TDRD9: variants seen among roughly 807,000 people sequenced by gnomAD.
The protein encoded by TDRD9 is tudor domain containing 9, also known as ATP-dependent RNA helicase TDRD9.
TDRD9 carries 124 observed loss-of-function variants against 172.6 expected under a neutral mutation model. That is an observed-to-expected ratio of 0.72 (90% CI 0.62 to 0.83). The LOEUF (loss-of-function observed/expected upper bound fraction) is 0.83, where lower values mean the gene tolerates loss of function less well. Ranked by LOEUF, TDRD9 falls within the 40% of genes least tolerant of loss-of-function variation. The pLI is 0.00. For missense variants in TDRD9, 1,479 were observed against 1,714.1 expected, an observed-to-expected ratio of 0.86 and a Z score of 2.42; for synonymous variants, 619 against 617.1, an observed-to-expected ratio of 1.00 and a Z score of -0.05.
intron 3 of TDRD9, 52 bp downstream of exon 3, chr14:103,963,228 G>A: frequency 7.7e-7 from 1 of 1,291,152 alleles, no homozygotes; most frequent in Non-Finnish European, 1.1e-6. Flanking sequence ...CATGTCTGAG[G>A]CCCAATACTT....
intron 1 of TDRD9, chr14:103,940,839 T>C (rs1427406056): frequency 6.5e-7 from 1 of 1,535,160 alleles, no homozygotes; most frequent in Non-Finnish European, 8.7e-7. Context: ...GTAGGTTCCA[T>C]ATTCTGTGTG....
chr14:103,936,723 G>A (rs1391483606), intron 1 of TDRD9, among the ~76,000 whole-genome samples: 3 of 152,196 alleles, frequency 2.0e-5, no homozygotes, highest in Non-Finnish European at 4.4e-5. Context: ...TTGGTCTCCT[G>A]ACTTTTCAAC....
chr14:103,935,613 C>T (rs9324068), intron 1 of TDRD9, among the ~76,000 whole-genome samples: 53,992 of 151,928 alleles, frequency 0.36, 9,753 homozygotes, highest in Middle Eastern at 0.38. Context: ...AGTTTAACTT[C>T]GAGAATGATG....
intron 13 of TDRD9, among the ~76,000 whole-genome samples, chr14:103,999,530 T>C (rs1387267143): frequency 6.6e-6 from 1 of 152,154 alleles, no homozygotes; most frequent in Non-Finnish European, 1.5e-5. Context: ...AGTGGAGGTA[T>C]ATTCATGACA....
chr14:104,014,713 T>C lies in TDRD9; in HGVS notation c.2107-12T>C, dbSNP rs183555695. 41 of 1,484,028 alleles carry C rather than the reference T, an allele frequency of 2.8e-5. No individual in the cohort carries two copies. The Admixed American group carries it at 4.5e-4, about 16-fold the overall frequency. The allele number at this position is 1,484,028 out of a possible 1,614,324, so 91.9% of individuals were successfully genotyped here. A position where few individuals can be genotyped will look rare whatever the true frequency, so the allele number is the denominator to read the frequency against. On this transcript the variant is annotated splice_polypyrimidine_tract_variant and intron_variant, in intron 20 of 35. Transcript: ENST00000409874. ...ACCTTTGAGACATCAGATTTCAATG[T>C]ATTTTTCTTAGGTGGCTGAATTATA...
intron 7 of TDRD9, among the ~76,000 whole-genome samples, chr14:103,984,911 C>A (rs546616713): frequency 6.6e-6 from 1 of 152,208 alleles, no homozygotes; most frequent in Non-Finnish European, 1.5e-5. Context: ...CCAGCTCTTG[C>A]ATCAGTGTGA....
rs1487600359 is a variant in TDRD9 at position 104,034,183 on chromosome 14, C to CTTTTTTTTTTTTTTTTTTT, written c.3619+123_3619+124insTTTTTTTTTTTTTTTTTTT. On this transcript the variant is annotated intron_variant, in intron 31 of 35. Coordinates refer to ENST00000409874, the MANE Select transcript of TDRD9 (RefSeq NM_153046.3). ...GAACAAGTCTACACTATGTACTATT[C>CTTTTTTTTTTTTTTTTTTT]TTTTTTTTTCTTTTTTTTTTTTTTT... The CTTTTTTTTTTTTTTTTTTT allele has an allele frequency of 2.8e-5, 6 of 211,640 alleles. 3 individuals carry two copies. The highest frequency in any genetic ancestry group is 3.3e-5 in the Non-Finnish European group (4 of 120,204). The allele number at this position is 211,640 out of a possible 1,614,324, so 13.1% of individuals were successfully genotyped here.
At chr14:103,948,144 G>T (rs1307589692) in intron 1 of TDRD9, among the ~76,000 whole-genome samples, 1 of 152,158 alleles carries the variant, frequency 6.6e-6, no homozygotes, top group African/African-American at 2.4e-5. Flanking sequence ...CTTCCAAGTA[G>T]TTGGGACTAT....
At chr14:103,944,767 T>C (rs2031469413) in intron 1 of TDRD9, among the ~76,000 whole-genome samples, 2 of 152,088 alleles carry the variant, frequency 1.3e-5, no homozygotes, top group Non-Finnish European at 2.9e-5. Flanking sequence ...GGTTTTGCCA[T>C]GTTGGCCAGC....
At position 103,965,473 on chromosome 14, in the gene TDRD9, C is replaced by G; in HGVS notation, c.561C>G (p.Pro187=). Residue 187 remains proline (P), a synonymous_variant, in exon 4 of 36, where the codon CCC becomes CCG. Coordinates refer to ENST00000409874, the MANE Select transcript of TDRD9 (RefSeq NM_153046.3). ...ACTGCAGCATTGTGGTCACCCAGCCCCGGAAGATAGGGGCAAGCAGCATCG... is the reference window on the plus strand; with the variant it reads ...ACTGCAGCATTGTGGTCACCCAGCCGCGGAAGATAGGGGCAAGCAGCATCG... ...SAYCSIVVTQ[P]RKIGASSIAR... 1.3e-6 allele frequency: 2 copies of G among 1,550,236 alleles called. No individual in the cohort carries two copies. Among genetic ancestry groups the G allele is most frequent in the Non-Finnish European group, 1.7e-6 (2 of 1,146,960 alleles).
At chr14:103,963,540 A>G (rs1243525471) in intron 3 of TDRD9, among the ~76,000 whole-genome samples, 7 of 152,232 alleles carry the variant, frequency 4.6e-5, no homozygotes, top group Admixed American at 3.9e-4. Context: ...TTATGAAGCA[A>G]ATGACATACC....
At chr14:104,032,819 G>A (rs2035326905) in intron 30 of TDRD9, among the ~76,000 whole-genome samples, 1 of 152,120 alleles carries the variant, frequency 6.6e-6, no homozygotes, top group African/African-American at 2.4e-5. Flanking sequence ...GGGTGATAGG[G>A]CTCTTGATAA....
At position 103,928,478 on chromosome 14, in the gene TDRD9, A is replaced by G; in HGVS notation, c.-32A>G. 2.8e-6 allele frequency: 4 copies of G among 1,426,662 alleles called. No individual in the cohort carries two copies. The highest frequency in any genetic ancestry group is 1.3e-5 in the South Asian group (1 of 74,638). 88.4% of individuals were successfully genotyped at this position (1,426,662 alleles called of 1,614,324 possible). A position where few individuals can be genotyped will look rare whatever the true frequency, so the allele number is the denominator to read the frequency against. On this transcript the variant is annotated 5_prime_UTR_variant, in exon 1 of 36. Transcript: ENST00000409874. Reference sequence around the variant, plus strand: ...CCTGTTCCCGCCGCGGAGACCCGGCAGTTGGGGGATGCCGACGCCTGGGCC... The same window carrying G: ...CCTGTTCCCGCCGCGGAGACCCGGCGGTTGGGGGATGCCGACGCCTGGGCC...
intron 7 of TDRD9, 90 bp downstream of exon 7, chr14:103,975,643 C>A: frequency 7.8e-7 from 1 of 1,281,060 alleles, no homozygotes; most frequent in East Asian, 2.6e-5. Context: ...TAAGGCCCTG[C>A]GAGAAAATTA....
At chr14:103,936,519 G>C (rs1480040184) in intron 1 of TDRD9, among the ~76,000 whole-genome samples, 1 of 152,180 alleles carries the variant, frequency 6.6e-6, no homozygotes, top group African/African-American at 2.4e-5. Flanking sequence ...TCAAGCCATG[G>C]TGGATTTTCC....
chr14:103,940,506 G>T, intron 1 of TDRD9: 1 of 245,512 alleles, frequency 4.1e-6, no homozygotes, highest in Non-Finnish European at 7.8e-6. Context: ...GTTTTGTACA[G>T]AATTTGTCAG....
At chr14:104,020,851 C>T (rs952817119) in intron 23 of TDRD9, among the ~76,000 whole-genome samples, 1 of 152,146 alleles carries the variant, frequency 6.6e-6, no homozygotes, top group South Asian at 2.1e-4. Context: ...AAACTTGATG[C>T]TGTCTTCCTT....
In TDRD9 at chr14:103,997,838, A is replaced by G. The variant is rs2034109380; in HGVS notation, c.1379-786A>G. The stretch of plus-strand genomic sequence containing the variant: ...AGGACCTCCCAACGGGGCTGTTGTC[A>G]GTGACCTTGACAAGAGCAGCTTTGG... On this transcript the variant is annotated intron_variant, in intron 12 of 35. Transcript: ENST00000409874. The surrounding 1 kb of genome is among the most constrained non-coding windows in gnomAD (Gnocchi z 5.1). Among the ~76,000 whole-genome samples, 2 of 152,204 alleles carry G rather than the reference A, an allele frequency of 1.3e-5. No homozygotes were observed.
chr14:104,019,905 G>A (rs1030113427), intron 23 of TDRD9, among the ~76,000 whole-genome samples: 1 of 152,190 alleles, frequency 6.6e-6, no homozygotes, highest in African/African-American at 2.4e-5. Flanking sequence ...ATTAATTTGA[G>A]ACTTCCTCGG....
Sources: gnomAD v4.1 joint callset for allele counts (sites outside exome capture counted in the v4.1 genomes callset) on GRCh38, gnomAD v4.1.1 for gene constraint, Gnocchi (gnomAD v3.1) non-coding constraint, MANE v1.5 for transcripts, NCBI Gene and HGNC (gene_info 2026-07-23, HGNC 2026-07-21) for gene names.